ARHGAP1: variants seen among roughly 807,000 people sequenced by gnomAD.
ARHGAP1 encodes rho GTPase-activating protein 1.
In ARHGAP1, 23 loss-of-function variants were observed where a neutral mutation model predicts 52.2. The observed-to-expected ratio is 0.44, with a 90% CI of 0.32 to 0.62. The LOEUF is 0.62. ARHGAP1 is among the 20% of genes least tolerant of loss of function. The probability of loss-of-function intolerance (pLI) is 0.05; values close to 1 mark genes in which losing one functional copy is unlikely to be tolerated. For missense variants in ARHGAP1, 480 were observed against 560.9 expected (o/e 0.86, Z 1.46); for synonymous variants, 210 against 228.4 (o/e 0.92, Z 0.73).
In ARHGAP1 at chr11:46,696,363, G is replaced by A. The variant is rs961532665; in HGVS notation, c.-49-207C>T. Among the ~76,000 whole-genome samples the A allele has an allele frequency of 1.3e-5, 2 of 152,152 alleles. No individual in the cohort carries two copies. The highest frequency in any genetic ancestry group is 1.3e-4 in the Admixed American group (2 of 15,264). The stretch of plus-strand genomic sequence containing the variant: ...AGGCGTGTTGCCAGAAAAGGCAGCT[G>A]GGGCAGAGGATGGCACAGCTCAGCG... On this transcript the variant is annotated intron_variant, in intron 1 of 12. Coordinates refer to ENST00000311956, the MANE Select transcript of ARHGAP1 (RefSeq NM_004308.5). This position sits in a 1 kb window ranked among gnomAD's most constrained non-coding sequence, Gnocchi z 4.8.
At position 46,679,053 on chromosome 11, in the gene ARHGAP1, T is replaced by C; in HGVS notation, c.1304A>G (p.Asp435Gly). 3 of 1,613,954 alleles carry C rather than the reference T, an allele frequency of 1.9e-6. No homozygotes were observed. The highest frequency in any genetic ancestry group is 2.5e-6 in the Non-Finnish European group (3 of 1,179,954). The change falls in exon 13 of 13, where the codon GAC becomes GGC. Residue 435 changes from aspartate to glycine, a missense_variant. Physicochemically the swap from Asp to Gly is moderately conservative, Grantham distance 94. Coordinates refer to ENST00000311956, the MANE Select transcript of ARHGAP1 (RefSeq NM_004308.5). The surrounding 1 kb of genome is among the most constrained non-coding windows in gnomAD (Gnocchi z 4.4). ...GGGCCAGGTTCAGAGCCCGCTGGGG[T>C]CCGGGCTTGGGAACAGCTCCCCTTG... Reference protein sequence around the residue: ...DHQGELFPSPDPSGL With the variant: ...DHQGELFPSPGPSGL
Position 46,679,499 on chromosome 11 carries a change from G to T in ARHGAP1, c.1028-31C>A. 1 of 1,611,266 alleles carries T rather than the reference G, an allele frequency of 6.2e-7. No homozygotes were observed. The highest frequency in any genetic ancestry group is 1.1e-5 in the South Asian group (1 of 90,954). The stretch of plus-strand genomic sequence containing the variant: ...AGGAAAGGAGGCCCGGGTTATAGGG[G>T]CCCTAGGCTGGGCTGGTTCAGGACG... On this transcript the variant is annotated intron_variant, in intron 11 of 12. Transcript: ENST00000311956. This position sits in a 1 kb window ranked among gnomAD's most constrained non-coding sequence, Gnocchi z 4.4.
At chr11:46,684,776 GA>G (rs1216593383) in intron 4 of ARHGAP1, among the ~76,000 whole-genome samples, 1 of 152,040 alleles carries the variant, frequency 6.6e-6, no homozygotes, top group African/African-American at 2.4e-5. Flanking sequence ...TTAATGCTCA[GA>G]AAAAAATGTT....
chr11:46,680,154 C>G lies in ARHGAP1; in HGVS notation c.898+51G>C. On this transcript the variant is annotated intron_variant, in intron 10 of 12. Coordinates refer to ENST00000311956, the MANE Select transcript of ARHGAP1 (RefSeq NM_004308.5). The surrounding 1 kb of genome is among the most constrained non-coding windows in gnomAD (Gnocchi z 5.9). ...TACAGGGCAGCAGAGGGCAGAGAAG[C>G]CCCCTACCAGTAACACACATATGGC... is the stretch of plus-strand genomic sequence containing the variant. 1 of 1,566,706 alleles carries G rather than the reference C, an allele frequency of 6.4e-7. No homozygotes were observed.
In ARHGAP1 at chr11:46,680,591, C is replaced by T. The variant is rs376554886; in HGVS notation, c.744-28G>A. On this transcript the variant is annotated intron_variant, in intron 8 of 12. Coordinates refer to ENST00000311956, the MANE Select transcript of ARHGAP1 (RefSeq NM_004308.5). The surrounding 1 kb of genome is among the most constrained non-coding windows in gnomAD (Gnocchi z 5.9). ...GCGGGAAAAAGGCTGGTGAGCCGGG[C>T]CTGCAGCCCTTCCCGCCCCGCCGTG... 1 of 1,613,554 alleles carries T rather than the reference C, an allele frequency of 6.2e-7. No homozygotes were observed. Among genetic ancestry groups the T allele is most frequent in the African/African-American group, 1.3e-5 (1 of 74,918 alleles).
Position 46,678,941 on chromosome 11 carries a change from A to G in ARHGAP1, c.*96T>C. 1 of 1,381,242 alleles carries G rather than the reference A, an allele frequency of 7.2e-7. No homozygotes were observed. Among genetic ancestry groups the G allele is most frequent in the Admixed American group, 2.3e-5 (1 of 43,592 alleles). 85.6% of individuals were successfully genotyped at this position (1,381,242 alleles called of 1,614,324 possible). A position where few individuals can be genotyped will look rare whatever the true frequency, so the allele number is the denominator to read the frequency against. On this transcript the variant is annotated 3_prime_UTR_variant, in exon 13 of 13. Coordinates refer to ENST00000311956, the MANE Select transcript of ARHGAP1 (RefSeq NM_004308.5). ...AGAGCATGCCTGATGGGTGGCTCCA[A>G]CATCTCTCTCCAGGGGGCTTCATGG...
chr11:46,689,869 A>G (rs1424993527), intron 3 of ARHGAP1, among the ~76,000 whole-genome samples: 1 of 152,120 alleles, frequency 6.6e-6, no homozygotes, highest in African/African-American at 2.4e-5. Flanking sequence ...ATGCTCACTA[A>G]AGCATTTGTG....
intron 4 of ARHGAP1, among the ~76,000 whole-genome samples, chr11:46,683,068 TCTTA>T (rs1245481418): frequency 9.4e-6 from 1 of 106,930 alleles, no homozygotes; most frequent in Non-Finnish European, 1.8e-5. Flanking sequence ...TGAGACAGGG[TCTTA>T]CTGTCACCCA....
At chr11:46,687,382 C>T (rs1220473060) in intron 4 of ARHGAP1, 1 of 152,358 alleles carries the variant, frequency 6.6e-6, no homozygotes, top group African/African-American at 2.4e-5. Flanking sequence ...GGGTCTGTCC[C>T]TAAGCCCACA....
At position 46,696,052 on chromosome 11, in the gene ARHGAP1, G is replaced by GCCC. The variant is rs766133891; in HGVS notation, c.55_56insGGG (p.Glu18_Ala19insGly). The GCCC allele has an allele frequency of 6.2e-7, 1 of 1,613,692 alleles. No individual in the cohort carries two copies. Among genetic ancestry groups the GCCC allele is most frequent in the Non-Finnish European group, 8.5e-7 (1 of 1,179,814 alleles). The stretch of plus-strand genomic sequence containing the variant: ...GGAGGCCAGCTTCAGCTGGTTCAGA[G>GCCC]CCTCGCTGGTGTCATCCAAGGTCAG... On this transcript the variant is annotated inframe_insertion, in exon 2 of 13. Coordinates refer to ENST00000311956, the MANE Select transcript of ARHGAP1 (RefSeq NM_004308.5). The surrounding 1 kb of genome is among the most constrained non-coding windows in gnomAD (Gnocchi z 4.8).
intron 3 of ARHGAP1, among the ~76,000 whole-genome samples, chr11:46,691,028 A>T (rs2064610423): frequency 6.6e-6 from 1 of 152,118 alleles, no homozygotes; most frequent in Admixed American, 6.6e-5. Context: ...AGCTAGGACT[A>T]CAGGCACATG....
At position 46,679,379 on chromosome 11, in the gene ARHGAP1, C is replaced by G. The variant is rs764099533; in HGVS notation, c.1117G>C (p.Ala373Pro). 5 of 1,614,154 alleles carry G rather than the reference C, an allele frequency of 3.1e-6. No homozygotes were observed. The highest frequency in any genetic ancestry group is 3.4e-6 in the Non-Finnish European group (4 of 1,180,014). ...CAAGGTCTCACCTGCACCAGGAAAG[C>G]AGTCAGGAAACGAAGCACCTGGTAG... ...ENYQVLRFLT[A>P]FLVQISAHSD... The change falls in exon 12 of 13, where the codon GCT becomes CCT. Residue 373 changes from alanine (A) to proline (P), a missense_variant. Ala to Pro is a conservative substitution (Grantham distance 27, BLOSUM62 -1). Coordinates refer to ENST00000311956, the MANE Select transcript of ARHGAP1 (RefSeq NM_004308.5). This position sits in a 1 kb window ranked among gnomAD's most constrained non-coding sequence, Gnocchi z 4.4.
At chr11:46,699,800 A>G (rs578230802) in intron 1 of ARHGAP1, among the ~76,000 whole-genome samples, 1 of 152,210 alleles carries the variant, frequency 6.6e-6, no homozygotes, top group South Asian at 2.1e-4. Context: ...ACTCTCAACT[A>G]CAATTATGTT....
intron 4 of ARHGAP1, among the ~76,000 whole-genome samples, chr11:46,684,966 T>C (rs1056735923): frequency 2.6e-5 from 4 of 151,300 alleles, no homozygotes; most frequent in East Asian, 2.0e-4. Flanking sequence ...TGCACGCCTG[T>C]AATCCCAGCT....
In ARHGAP1 at chr11:46,679,901, C is replaced by G; in HGVS notation, c.899-125G>C. 1 of 1,395,122 alleles carries G rather than the reference C, an allele frequency of 7.2e-7. No homozygotes were observed. Among genetic ancestry groups the G allele is most frequent in the Non-Finnish European group, 9.6e-7 (1 of 1,042,678 alleles). The allele number at this position is 1,395,122 out of a possible 1,614,324, so 86.4% of individuals were successfully genotyped here. A position where few individuals can be genotyped will look rare whatever the true frequency, so the allele number is the denominator to read the frequency against. ...GCATAAGCCCCTCCTCCCAGGGGCG[C>G]CCTCTGACACCTGCCTCCCTCTTCC... On this transcript the variant is annotated intron_variant, in intron 10 of 12. Coordinates refer to ENST00000311956, the MANE Select transcript of ARHGAP1 (RefSeq NM_004308.5). This position sits in a 1 kb window ranked among gnomAD's most constrained non-coding sequence, Gnocchi z 4.4.
Position 46,682,155 on chromosome 11 carries a change from G to C in ARHGAP1, c.345C>G (p.Tyr115Ter). ...ACAGAAGTGTGTAGTCACTCTCCAC[G>C]TACTGGTCCAGGGTGTGCTTCAGGT... is the stretch of plus-strand genomic sequence containing the variant. Reference protein sequence around the residue: ...LGYLKHTLDQYVESDYTLLYL... With the variant: ...LGYLKHTLDQ The change falls in exon 5 of 13, where the codon TAC becomes TAG. Residue 115 changes from tyrosine to a stop codon, truncating the protein, a stop_gained. Coordinates refer to ENST00000311956, the MANE Select transcript of ARHGAP1 (RefSeq NM_004308.5). LOFTEE classifies it high-confidence loss of function. The C allele has an allele frequency of 6.2e-7, 1 of 1,614,146 alleles. No homozygotes were observed. Among genetic ancestry groups the C allele is most frequent in the Non-Finnish European group, 8.5e-7 (1 of 1,180,004 alleles).
chr11:46,678,715 G>A lies in ARHGAP1; in HGVS notation c.*322C>T, dbSNP rs1415523915. 1 of 324,404 alleles carries A rather than the reference G, an allele frequency of 3.1e-6. No homozygotes were observed. Among genetic ancestry groups the A allele is most frequent in the Admixed American group, 4.7e-5 (1 of 21,458 alleles). 20.1% of individuals were successfully genotyped at this position (324,404 alleles called of 1,614,324 possible). On this transcript the variant is annotated 3_prime_UTR_variant, in exon 13 of 13. Transcript: ENST00000311956. ...TCATTTGATTCATCCACACTTGCTA[G>A]GGAAACAGAGGCAGGAAAAAGCAGG...
intron 4 of ARHGAP1, among the ~76,000 whole-genome samples, chr11:46,686,483 A>T (rs988127358): frequency 1.4e-5 from 2 of 140,584 alleles, no homozygotes; most frequent in Non-Finnish European, 3.1e-5. Context: ...CAGTGGTTCA[A>T]TCTTGGCTCA....
At chr11:46,697,198 C>G (rs1398084472) in intron 1 of ARHGAP1, 1 of 152,572 alleles carries the variant, frequency 6.6e-6, no homozygotes, top group Admixed American at 6.5e-5. Context: ...AGCTGGGTTT[C>G]TGTAGGTCTG....
Sources: allele counts gnomAD v4.1 joint callset (sites outside exome capture counted in the v4.1 genomes callset), GRCh38; gene constraint gnomAD v4.1.1; non-coding constraint Gnocchi (gnomAD v3.1); transcripts MANE v1.5; gene names NCBI Gene and HGNC (gene_info 2026-07-23, HGNC 2026-07-21).